The following C7orf33 variants were observed in gnomAD, a reference collection of about 807,000 sequenced individuals.
C7orf33 encodes chromosome 7 open reading frame 33.
C7orf33 carries 15 observed loss-of-function variants against 13.4 expected under a neutral mutation model. The observed-to-expected ratio is 1.12, with a 90% CI of 0.75 to 1.72. The LOEUF is 1.72. C7orf33 is among the 40% of genes most tolerant of loss of function. The pLI, the probability that C7orf33 is intolerant of heterozygous loss-of-function variation, is 0.00. For synonymous variants in C7orf33, 73 were observed against 83.2 expected, an observed-to-expected ratio of 0.88 and a Z score of 0.67; for missense variants, 187 against 220.3, an observed-to-expected ratio of 0.85 and a Z score of 0.96.
chr7:148,593,865 T>A (rs1230664250), intron 1 of C7orf33, among the ~76,000 whole-genome samples: 1 of 152,118 alleles, frequency 6.6e-6, no homozygotes, highest in African/African-American at 2.4e-5. Context: ...TGGAATGTGA[T>A]CCCTAGTGTT....
Position 148,615,639 on chromosome 7 carries a change from C to T in C7orf33, c.*238C>T. On this transcript the variant is annotated 3_prime_UTR_variant, in exon 3 of 3. Transcript: ENST00000307003. ...GGCATTTGTGCACTGGTGTGGGGCCCAGGAGAGGACCACGGAGTGACAAGC... is the reference window on the plus strand; with the variant it reads ...GGCATTTGTGCACTGGTGTGGGGCCTAGGAGAGGACCACGGAGTGACAAGC... 2.4e-6 allele frequency: 1 copy of T among 421,964 alleles called. No homozygotes were observed. Among genetic ancestry groups the T allele is most frequent in the South Asian group, 2.4e-5 (1 of 41,122 alleles). 26.1% of individuals were successfully genotyped at this position (421,964 alleles called of 1,614,324 possible). A position where few individuals can be genotyped will look rare whatever the true frequency, so the allele number is the denominator to read the frequency against.
At position 148,595,138 on chromosome 7, in the gene C7orf33, C is replaced by T. The variant is rs546350650; in HGVS notation, c.204+4009C>T. ...AGGCTGGAGTGCAGTGGCACATTCA[C>T]GGCTCACTGCAGCCTTGACCTCCTG... On this transcript the variant is annotated intron_variant, in intron 1 of 2. Transcript: ENST00000307003. 6.0e-5 allele frequency among the ~76,000 whole-genome samples: 9 copies of T among 151,234 alleles called. No homozygotes were observed. The South Asian group carries it at 6.3e-4, about 11-fold the overall frequency.
intron 1 of C7orf33, among the ~76,000 whole-genome samples, chr7:148,595,997 T>C (rs946429989): frequency 6.6e-6 from 1 of 151,822 alleles, no homozygotes; most frequent in African/African-American, 2.4e-5. Flanking sequence ...ACAGGTTGTG[T>C]GCAATTAAAT....
At chr7:148,605,710 T>C (rs1045144501) in intron 1 of C7orf33, among the ~76,000 whole-genome samples, 2 of 152,252 alleles carry the variant, frequency 1.3e-5, no homozygotes, top group Non-Finnish European at 2.9e-5. Flanking sequence ...GCCCCACCTC[T>C]AAGTTCCTAC....
In C7orf33 at chr7:148,590,812, T is replaced by C; in HGVS notation, c.-114T>C. On this transcript the variant is annotated 5_prime_UTR_variant, in exon 1 of 3. Transcript: ENST00000307003. ...GTGGTCAGGAGCGAGGCGCCCAGCCTGTGTCTGAATCCTCCTACTGACCCT... is the reference window on the plus strand; with the variant it reads ...GTGGTCAGGAGCGAGGCGCCCAGCCCGTGTCTGAATCCTCCTACTGACCCT... The C allele has an allele frequency of 1.1e-6, 1 of 944,532 alleles. No homozygotes were observed. Among genetic ancestry groups the C allele is most frequent in the Non-Finnish European group, 1.7e-6 (1 of 596,432 alleles). 58.5% of individuals were successfully genotyped at this position (944,532 alleles called of 1,614,324 possible).
At chr7:148,592,435 G>T (rs1401375989) in intron 1 of C7orf33, among the ~76,000 whole-genome samples, 1 of 152,172 alleles carries the variant, frequency 6.6e-6, no homozygotes, top group African/African-American at 2.4e-5. Context: ...TTAAAAGAAG[G>T]TGAGAAAAGA....
At chr7:148,591,190 A>T (rs1796265409) in intron 1 of C7orf33, 61 bp downstream of exon 1, 1 of 1,344,000 alleles carries the variant, frequency 7.4e-7, no homozygotes, top group East Asian at 2.3e-5. Flanking sequence ...TCTCTTGAGA[A>T]TTCATTCACT....
At chr7:148,602,928 AC>A (rs1477695239) in intron 1 of C7orf33, among the ~76,000 whole-genome samples, 1 of 152,226 alleles carries the variant, frequency 6.6e-6, no homozygotes, top group Admixed American at 6.5e-5. Flanking sequence ...CCAGATTCCT[AC>A]AGGATAATGG....
chr7:148,592,145 A>C (rs1796277857), intron 1 of C7orf33, among the ~76,000 whole-genome samples: 1 of 152,134 alleles, frequency 6.6e-6, no homozygotes, highest in South Asian at 2.1e-4. Context: ...ACAGGCTCAG[A>C]GTATCTTCTG....
At chr7:148,609,642 G>A (rs981072345) in intron 1 of C7orf33, among the ~76,000 whole-genome samples, 1 of 152,092 alleles carries the variant, frequency 6.6e-6, no homozygotes, top group Non-Finnish European at 1.5e-5. Flanking sequence ...GGACTTCCTT[G>A]GAAATCACAA....
chr7:148,614,338 C>CT (rs1265604838), intron 2 of C7orf33, 42 bp downstream of exon 2: 1 of 1,579,830 alleles, frequency 6.3e-7, no homozygotes, highest in Admixed American at 1.8e-5. Context: ...TTTAAGGAAA[C>CT]CCACGGGATG....
At chr7:148,607,266 T>C (rs1470387044) in intron 1 of C7orf33, among the ~76,000 whole-genome samples, 2 of 152,164 alleles carry the variant, frequency 1.3e-5, no homozygotes, top group African/African-American at 4.8e-5. Context: ...TGGCAGATAA[T>C]GGTCTAAAAC....
rs1353103286 is a variant in C7orf33 at position 148,605,164 on chromosome 7, A to C, written c.205-8878A>C. Among the ~76,000 whole-genome samples the C allele has an allele frequency of 2.0e-5, 3 of 152,212 alleles. No individual in the cohort carries two copies. The East Asian group carries it at 5.8e-4, about 29-fold the overall frequency. ...CCTAATAGAAAAAGACAAAAATGAG[A>C]TGTAAAACAATTTATTTAGCTCAGA... On this transcript the variant is annotated intron_variant, in intron 1 of 2. Transcript: ENST00000307003.
chr7:148,596,765 TA>T (rs916091518), intron 1 of C7orf33, among the ~76,000 whole-genome samples: 86 of 152,236 alleles, frequency 5.6e-4, no homozygotes, highest in African/African-American at 2.1e-3. Flanking sequence ...TCAACTGCCC[TA>T]AAAATCCTCT....
chr7:148,604,182 A>G (rs1796447688), intron 1 of C7orf33, among the ~76,000 whole-genome samples: 1 of 148,746 alleles, frequency 6.7e-6, no homozygotes, highest in South Asian at 2.1e-4. Flanking sequence ...ACTGGAGTGC[A>G]GCGGCACAAT....
intron 1 of C7orf33, among the ~76,000 whole-genome samples, chr7:148,596,630 A>G (rs1190523710): frequency 1.3e-5 from 2 of 152,188 alleles, no homozygotes; most frequent in Non-Finnish European, 2.9e-5. Flanking sequence ...CACTACCATC[A>G]GAACAACATG....
chr7:148,600,298 A>G (rs1220563652), intron 1 of C7orf33, among the ~76,000 whole-genome samples: 1 of 152,118 alleles, frequency 6.6e-6, no homozygotes, highest in East Asian at 1.9e-4. Context: ...GTGAAACCCC[A>G]TCTCTACTAA....
intron 1 of C7orf33, among the ~76,000 whole-genome samples, chr7:148,593,218 T>A (rs1585452188): frequency 6.6e-6 from 1 of 152,102 alleles, no homozygotes; most frequent in East Asian, 1.9e-4. Context: ...GCACTATGAG[T>A]TACGTATTAT....
chr7:148,592,998 A>AT (rs1333064611), intron 1 of C7orf33, among the ~76,000 whole-genome samples: 21 of 150,982 alleles, frequency 1.4e-4, no homozygotes, highest in Non-Finnish European at 3.1e-4. Context: ...CCACCACCAC[A>AT]TCCTACTAAT....
Sources: allele counts gnomAD v4.1 joint callset (sites outside exome capture counted in the v4.1 genomes callset), GRCh38; gene constraint gnomAD v4.1.1; transcripts MANE v1.5; gene names NCBI Gene and HGNC (gene_info 2026-07-23, HGNC 2026-07-21).